The following HMCN1 variants were observed in gnomAD, a reference collection of about 807,000 sequenced individuals.
HMCN1 encodes the protein hemicentin 1.
A neutral mutation model predicts 625.9 loss-of-function variants in HMCN1; 321 were observed. That is an observed-to-expected ratio of 0.51 (90% CI 0.47 to 0.56). The LOEUF (loss-of-function observed/expected upper bound fraction) is 0.56. Ranked by LOEUF, HMCN1 falls within the 20% of genes least tolerant of loss-of-function variation. The pLI is 0.00. For synonymous variants in HMCN1, 2,425 were observed against 2,417.6 expected, an observed-to-expected ratio of 1.00 and a Z score of -0.09; for missense variants, 6,588 against 6,887.3, an observed-to-expected ratio of 0.96 and a Z score of 1.54.
At chr1:185,808,330 G>C (rs1187533967) in intron 1 of HMCN1, among the ~76,000 whole-genome samples, 3 of 152,040 alleles carry the variant, frequency 2.0e-5, no homozygotes. Flanking sequence ...CTGGATGACA[G>C]AGTAAGACTC....
intron 11 of HMCN1, among the ~76,000 whole-genome samples, chr1:185,960,285 C>T (rs937303767): frequency 5.9e-5 from 9 of 151,970 alleles, no homozygotes; most frequent in African/African-American, 1.7e-4. Context: ...TGCACCACCA[C>T]GCCCAGCTAA....
intron 1 of HMCN1, among the ~76,000 whole-genome samples, chr1:185,756,290 C>T (rs771342643): frequency 4.6e-5 from 7 of 152,090 alleles, no homozygotes; most frequent in Middle Eastern, 3.4e-3. Flanking sequence ...TGAGTGATGT[C>T]AGTTTCCTGT....
chr1:186,087,648 G>A lies in HMCN1; in HGVS notation c.9363+3G>A, dbSNP rs943733610. The A allele has an allele frequency of 6.2e-7, 1 of 1,612,274 alleles. No individual in the cohort carries two copies. Among genetic ancestry groups the A allele is most frequent in the East Asian group, 2.2e-5 (1 of 44,840 alleles). On this transcript the variant is annotated splice_donor_region_variant and intron_variant, in intron 60 of 106. Coordinates refer to ENST00000271588, the MANE Select transcript of HMCN1 (RefSeq NM_031935.3). ...TGCTACACATTAAGAAAGCTGAGGTGCATCTTTTATTCTTGTTTGAGTGTC... is the reference window on the plus strand; with the variant it reads ...TGCTACACATTAAGAAAGCTGAGGTACATCTTTTATTCTTGTTTGAGTGTC...
At chr1:185,980,920 G>A in intron 16 of HMCN1, 58 bp from the exon 17 acceptor site, 1 of 1,035,212 alleles carries the variant, frequency 9.7e-7, no homozygotes. Flanking sequence ...ACTGTTTCTG[G>A]CACATAGTTA....
chr1:185,807,530 C>A (rs900690710), intron 1 of HMCN1, among the ~76,000 whole-genome samples: 3 of 152,148 alleles, frequency 2.0e-5, no homozygotes, highest in African/African-American at 7.2e-5. Context: ...CACATATTAG[C>A]ATACACATAT....
chr1:186,154,835 T>C (rs905279888), intron 97 of HMCN1, among the ~76,000 whole-genome samples: 2 of 152,206 alleles, frequency 1.3e-5, no homozygotes, highest in Non-Finnish European at 2.9e-5. Context: ...AGTCCATCTA[T>C]GCTATGTGGT....
At chr1:186,009,006 T>A (rs1653817455) in intron 30 of HMCN1, among the ~76,000 whole-genome samples, 1 of 152,152 alleles carries the variant, frequency 6.6e-6, no homozygotes, top group African/African-American at 2.4e-5. Context: ...AAATTAGTCA[T>A]GAAAAGACAT....
At position 186,082,119 on chromosome 1, in the gene HMCN1, C is replaced by G. The variant is rs199741856; in HGVS notation, c.8787+725C>G. Among the ~76,000 whole-genome samples, 4 of 152,028 alleles carry G rather than the reference C, an allele frequency of 2.6e-5. No homozygotes were observed. In the East Asian group the frequency reaches 7.7e-4, roughly 29 times the overall value. ...CTATTTCTATGTGATAATCATATAA[C>G]CTCTACCAAAATACTTCAATGGTTC... On this transcript the variant is annotated intron_variant, in intron 56 of 106. Coordinates refer to ENST00000271588, the MANE Select transcript of HMCN1 (RefSeq NM_031935.3).
At chr1:185,766,369 C>G (rs1655869837) in intron 1 of HMCN1, among the ~76,000 whole-genome samples, 1 of 152,142 alleles carries the variant, frequency 6.6e-6, no homozygotes, top group Non-Finnish European at 1.5e-5. Context: ...ACCCAGCCAA[C>G]TTGAGCCCAA....
intron 21 of HMCN1, among the ~76,000 whole-genome samples, chr1:185,989,925 C>G (rs776273510): frequency 2.0e-5 from 3 of 152,098 alleles, no homozygotes; most frequent in Non-Finnish European, 4.4e-5. Flanking sequence ...GCACCCAACC[C>G]TCTTCAGTAA....
intron 11 of HMCN1, among the ~76,000 whole-genome samples, chr1:185,944,863 T>G (rs1478714773): frequency 6.6e-6 from 1 of 152,116 alleles, no homozygotes; most frequent in Non-Finnish European, 1.5e-5. Context: ...AGAAGCAGAG[T>G]GTTTAGGCGT....
intron 25 of HMCN1, 111 bp downstream of exon 25, chr1:185,997,635 A>C: frequency 1.3e-6 from 1 of 778,378 alleles, no homozygotes; most frequent in Non-Finnish European, 2.3e-6. Flanking sequence ...CCTTGGTAGA[A>C]CATTTGAGCA....
At chr1:186,019,192 A>G (rs1654555608) in intron 34 of HMCN1, among the ~76,000 whole-genome samples, 1 of 152,036 alleles carries the variant, frequency 6.6e-6, no homozygotes, top group African/African-American at 2.4e-5. Context: ...AAATATGGCT[A>G]GAAATCCACC....
intron 22 of HMCN1, among the ~76,000 whole-genome samples, chr1:185,992,636 C>A (rs1213204802): frequency 5.3e-5 from 8 of 151,998 alleles, no homozygotes; most frequent in Non-Finnish European, 1.2e-4. Flanking sequence ...TGTCTCTGGG[C>A]CAAGAGCACT....
chr1:185,961,597 A>G lies in HMCN1; in HGVS notation c.1829-921A>G, dbSNP rs549316901. Among the ~76,000 whole-genome samples the G allele has an allele frequency of 1.2e-3, 186 of 152,370 alleles. 1 individual carries two copies. Among genetic ancestry groups the G allele is most frequent in the African/African-American group, 4.1e-3 (170 of 41,590 alleles). Reference sequence around the variant, plus strand: ...ATATTTACATTAGGAGCTACTTAATATCTCTTTGATGGTACCTTCTTTGAA... The same window carrying G: ...ATATTTACATTAGGAGCTACTTAATGTCTCTTTGATGGTACCTTCTTTGAA... On this transcript the variant is annotated intron_variant, in intron 11 of 106. Coordinates refer to ENST00000271588, the MANE Select transcript of HMCN1 (RefSeq NM_031935.3).
chr1:186,148,439 G>C (rs1331818739), intron 93 of HMCN1, among the ~76,000 whole-genome samples: 1 of 152,070 alleles, frequency 6.6e-6, no homozygotes, highest in Non-Finnish European at 1.5e-5. Flanking sequence ...TTCCCAGAAG[G>C]TTTTCAATTT....
intron 4 of HMCN1, among the ~76,000 whole-genome samples, chr1:185,889,478 T>C (rs1317061809): frequency 6.9e-6 from 1 of 144,136 alleles, no homozygotes; most frequent in Non-Finnish European, 1.5e-5. Flanking sequence ...TTTTGAAATA[T>C]GTCGCATCAA....
intron 1 of HMCN1, among the ~76,000 whole-genome samples, chr1:185,842,983 GT>G (rs1003670871): frequency 1.7e-4 from 26 of 152,100 alleles, no homozygotes; most frequent in Non-Finnish European, 3.1e-4. Context: ...CACTACCAAA[GT>G]TTTTCAATTT....
At chr1:185,762,680 G>A (rs926142857) in intron 1 of HMCN1, among the ~76,000 whole-genome samples, 1 of 152,122 alleles carries the variant, frequency 6.6e-6, no homozygotes, top group Non-Finnish European at 1.5e-5. Context: ...CCAAAGATAT[G>A]TAGTTAAGTG....
Sources: gnomAD v4.1 joint callset for allele counts (sites outside exome capture counted in the v4.1 genomes callset) on GRCh38, gnomAD v4.1.1 for gene constraint, MANE v1.5 for transcripts, NCBI Gene and HGNC (gene_info 2026-07-23, HGNC 2026-07-21) for gene names.